The following NRG1 variants were observed in gnomAD, a reference collection of about 807,000 sequenced individuals.
The protein encoded by NRG1 is neuregulin 1.
Under a neutral mutation model 63.8 loss-of-function variants are expected in NRG1, and 18 were observed. The observed-to-expected ratio is 0.28, with a 90% CI of 0.19 to 0.42. The LOEUF is 0.42. Ranked by LOEUF, NRG1 falls within the 10% of genes least tolerant of loss-of-function variation. The pLI, the probability that NRG1 is intolerant of heterozygous loss-of-function variation, is 1.00. For missense variants in NRG1, 762 were observed against 814.7 expected (o/e 0.94, Z 0.79); for synonymous variants, 302 against 301.3 (o/e 1.00, Z -0.02).
At chr8:31,807,914 A>G (rs1331589137) in intron 1 of NRG1, among the ~76,000 whole-genome samples, 1 of 151,192 alleles carries the variant, frequency 6.6e-6, no homozygotes, top group African/African-American at 2.4e-5. Flanking sequence ...TATATTTCAG[A>G]ATTTCCTTCT....
At chr8:32,440,961 G>A (rs554592934) in intron 1 of NRG1, among the ~76,000 whole-genome samples, 4 of 152,246 alleles carry the variant, frequency 2.6e-5, no homozygotes, top group African/African-American at 4.8e-5. Context: ...ACATAGAATT[G>A]TGTATTTATT....
chr8:32,609,396 G>A (rs1845900649), intron 3 of NRG1, among the ~76,000 whole-genome samples: 2 of 152,048 alleles, frequency 1.3e-5, no homozygotes, highest in South Asian at 4.1e-4. Flanking sequence ...AGGAATCAGG[G>A]CAGACGTTGC....
intron 2 of NRG1, among the ~76,000 whole-genome samples, chr8:32,604,532 A>G (rs1844926116): frequency 6.6e-6 from 1 of 152,130 alleles, no homozygotes; most frequent in Admixed American, 6.5e-5. Flanking sequence ...AATAAATCAC[A>G]GTTACCAGGC....
At chr8:31,673,944 G>C (rs10098401) in intron 1 of NRG1, among the ~76,000 whole-genome samples, 32,962 of 151,944 alleles carry the variant, frequency 0.22, 4,339 homozygotes, top group East Asian at 0.59. Flanking sequence ...AAAGAAATCA[G>C]GTAACTGTTC....
intron 7 of NRG1, among the ~76,000 whole-genome samples, chr8:32,753,616 G>T (rs970919788): frequency 6.6e-6 from 1 of 152,062 alleles, no homozygotes; most frequent in Non-Finnish European, 1.5e-5. Flanking sequence ...TCTTCCAAAG[G>T]ACAAGTCACC....
chr8:31,713,393 G>A (rs1428900476), intron 1 of NRG1, among the ~76,000 whole-genome samples: 1 of 152,134 alleles, frequency 6.6e-6, no homozygotes, highest in Non-Finnish European at 1.5e-5. Flanking sequence ...TGGGATTACA[G>A]GTATGAGCCA....
chr8:32,203,828 A>G (rs867454451), intron 1 of NRG1, among the ~76,000 whole-genome samples: 1 of 152,182 alleles, frequency 6.6e-6, no homozygotes, highest in Non-Finnish European at 1.5e-5. Flanking sequence ...CCCCATCAGA[A>G]TCAGCAACTA....
chr8:32,649,748 G>A (rs902319792), intron 5 of NRG1, among the ~76,000 whole-genome samples: 2 of 152,160 alleles, frequency 1.3e-5, no homozygotes, highest in Non-Finnish European at 2.9e-5. Flanking sequence ...TGCAATTAGG[G>A]AAAACCTCCT....
At chr8:32,228,323 TAAC>T (rs1254805322) in intron 1 of NRG1, among the ~76,000 whole-genome samples, 7 of 152,206 alleles carry the variant, frequency 4.6e-5, no homozygotes, top group Admixed American at 2.0e-4. Flanking sequence ...TGAATTTTAG[TAAC>T]AACAACTTCA....
At chr8:31,800,380 G>T (rs1270131464) in intron 1 of NRG1, among the ~76,000 whole-genome samples, 1 of 152,076 alleles carries the variant, frequency 6.6e-6, no homozygotes, top group Non-Finnish European at 1.5e-5. Context: ...TCTAAATCTT[G>T]GGTATCTTTG....
intron 1 of NRG1, among the ~76,000 whole-genome samples, chr8:32,380,811 T>G (rs944950274): frequency 6.6e-6 from 1 of 152,202 alleles, no homozygotes; most frequent in Non-Finnish European, 1.5e-5. Flanking sequence ...AGTTTTGGGG[T>G]ACATGTGATA....
At chr8:32,547,431 A>G (rs988647125), upstream of NRG1, among the ~76,000 whole-genome samples, 62 of 152,150 alleles carry the variant, frequency 4.1e-4, no homozygotes, top group Non-Finnish European at 9.1e-4. Context: ...CAGCGGCTGC[A>G]GTAATTTTAA....
At chr8:32,301,036 T>C (rs1855515769) in intron 1 of NRG1, among the ~76,000 whole-genome samples, 1 of 152,224 alleles carries the variant, frequency 6.6e-6, no homozygotes, top group Admixed American at 6.5e-5. Flanking sequence ...TGCAATTCTG[T>C]ATTTAGACAA....
At chr8:32,645,690 A>G (rs1308228925) in intron 5 of NRG1, among the ~76,000 whole-genome samples, 1 of 152,172 alleles carries the variant, frequency 6.6e-6, no homozygotes, top group African/African-American at 2.4e-5. Context: ...AGATTTAGAG[A>G]GAGTTTTACA....
chr8:32,068,568 G>A (rs1472843202), intron 1 of NRG1, among the ~76,000 whole-genome samples: 1 of 152,158 alleles, frequency 6.6e-6, no homozygotes, highest in Non-Finnish European at 1.5e-5. Flanking sequence ...CAATAGTGAT[G>A]CAGTACTTCC....
chr8:31,884,905 A>G (rs1419037482), intron 1 of NRG1, among the ~76,000 whole-genome samples: 1 of 152,188 alleles, frequency 6.6e-6, no homozygotes, highest in Non-Finnish European at 1.5e-5. Context: ...ATACTGTATA[A>G]AAGAGAAAAA....
chr8:31,685,591 T>G (rs1808799795), intron 1 of NRG1, among the ~76,000 whole-genome samples: 2 of 152,166 alleles, frequency 1.3e-5, no homozygotes, highest in South Asian at 4.1e-4. Context: ...GCAACCATGA[T>G]CATGAGCAAT....
At chr8:32,506,846 C>A (rs747764936) in intron 1 of NRG1, among the ~76,000 whole-genome samples, 1 of 152,110 alleles carries the variant, frequency 6.6e-6, no homozygotes, top group Middle Eastern at 3.4e-3. Context: ...CACCACCGCA[C>A]TCTAGCCTGG....
intron 1 of NRG1, among the ~76,000 whole-genome samples, chr8:31,723,339 GA>G (rs1411093381): frequency 2.6e-5 from 4 of 152,152 alleles, no homozygotes; most frequent in Admixed American, 6.6e-5. Flanking sequence ...AGCAGGGTGA[GA>G]AAATCCTTGT....
Sources: allele counts gnomAD v4.1 joint callset (sites outside exome capture counted in the v4.1 genomes callset), GRCh38; gene constraint gnomAD v4.1.1; transcripts MANE v1.5; gene names NCBI Gene and HGNC (gene_info 2026-07-23, HGNC 2026-07-21).